Variants in FAM83H observed in about 807,000 individuals in gnomAD.
FAM83H encodes protein FAM83H.
In FAM83H, 24 loss-of-function variants were observed where a neutral mutation model predicts 30.2. The ratio of observed to expected loss-of-function variants is 0.79; its 90% CI spans 0.57 to 1.12. The LOEUF is 1.12. Ranked by LOEUF, FAM83H falls within the 50% of genes most tolerant of loss-of-function variation. The pLI is 0.00. For synonymous variants in FAM83H, 1,013 were observed against 821.7 expected, an observed-to-expected ratio of 1.23 and a Z score of -3.98; for missense variants, 2,038 against 1,773.9, an observed-to-expected ratio of 1.15 and a Z score of -2.67.
intron 1 of FAM83H, chr8:143,731,326 G>A (rs1364101992): frequency 1.0e-6 from 1 of 985,242 alleles, no homozygotes; most frequent in East Asian, 1.1e-4. Context: ...GCACCTCTCT[G>A]GCCTACCTCT....
chr8:143,727,897 C>A lies in FAM83H; in HGVS notation c.1564G>T (p.Gly522Cys). The A allele has an allele frequency of 6.9e-7, 1 of 1,444,742 alleles. No individual in the cohort carries two copies. The highest frequency in any genetic ancestry group is 9.0e-7 in the Non-Finnish European group (1 of 1,108,064). 89.5% of individuals were successfully genotyped at this position (1,444,742 alleles called of 1,614,324 possible). ...PSSASREVRH[G>C]SDPAFAPGPR... ...CCGGGCGCGAAGGCGGGGTCCGAGC[C>A]GTGGCGCACCTCGCGGGACGCGCTG... Residue 522 changes from glycine to cysteine, a missense_variant, in exon 5 of 5, where the codon GGC becomes TGC. Transcript: ENST00000388913.
At position 143,726,886 on chromosome 8, in the gene FAM83H, C is replaced by T; in HGVS notation, c.2575G>A (p.Ala859Thr). 6.2e-7 allele frequency: 1 copy of T among 1,612,814 alleles called. No homozygotes were observed. The highest frequency in any genetic ancestry group is 8.5e-7 in the Non-Finnish European group (1 of 1,179,884). Residue 859 changes from alanine (A) to threonine (T), a missense_variant, in exon 5 of 5, where the codon GCG becomes ACG. Transcript: ENST00000388913. ...DSPLPLEGSG[A>T]HQVLHNESKG... ...GACTCATTATGGAGCACCTGGTGCGCTCCGGACCCTTCCAGCGGCAGAGGG... is the reference window on the plus strand; with the variant it reads ...GACTCATTATGGAGCACCTGGTGCGTTCCGGACCCTTCCAGCGGCAGAGGG...
At position 143,726,187 on chromosome 8, in the gene FAM83H, C is replaced by A; in HGVS notation, c.3274G>T (p.Ala1092Ser). ...PDMSDKDKCS[A>S]IFRSDSLGTQ... ...CCCAAGCTGTCCGAGCGGAAGATGG[C>A]TGAACACTTGTCCTTGTCGGACATA... Residue 1092 changes from alanine (A) to serine (S), a missense_variant, in exon 5 of 5, where the codon GCC becomes TCC. Transcript: ENST00000388913. The A allele has an allele frequency of 1.2e-6, 2 of 1,612,380 alleles. No homozygotes were observed. The highest frequency in any genetic ancestry group is 1.7e-6 in the Non-Finnish European group (2 of 1,179,770).
intron 1 of FAM83H, chr8:143,731,984 G>A (rs1587461405): frequency 1.0e-6 from 1 of 985,458 alleles, no homozygotes; most frequent in South Asian, 4.7e-5. Context: ...GTTGGGGAGG[G>A]AGGCAGGACA....
At position 143,724,935 on chromosome 8, in the gene FAM83H, C is replaced by A. The variant is rs891638792; in HGVS notation, c.*986G>T. On this transcript the variant is annotated 3_prime_UTR_variant, in exon 5 of 5. Transcript: ENST00000388913. ...CGCCCCTTCGGGCTTCCCTGTGTCC[C>A]GTCCCCAGAGGCCTGCCCTGTCCAG... 6.6e-6 allele frequency: 1 copy of A among 152,370 alleles called. No individual in the cohort carries two copies. Among genetic ancestry groups the A allele is most frequent in the Non-Finnish European group, 1.5e-5 (1 of 68,198 alleles). The allele number at this position is 152,370 out of a possible 1,614,324, so 9.4% of individuals were successfully genotyped here.
Position 143,726,940 on chromosome 8 carries a change from G to A in FAM83H, c.2521C>T (p.His841Tyr), listed in dbSNP as rs1554622194. The A allele has an allele frequency of 1.9e-6, 3 of 1,611,508 alleles. No homozygotes were observed. The highest frequency in any genetic ancestry group is 2.2e-5 in the South Asian group (2 of 90,958). The change falls in exon 5 of 5, where the codon CAC becomes TAC. Residue 841 changes from histidine (H) to tyrosine (Y), a missense_variant. Coordinates refer to ENST00000388913, the MANE Select transcript of FAM83H (RefSeq NM_198488.5). ...TCCAGCCCTTGCGGGGACGTTGAGT[G>A]GCTCTGGGCAGAGAGGAAGCGGGAA... ...LPSRFLSAQS[H>Y]STSPQGLDSP...
rs1554623430 is a variant in FAM83H at position 143,728,476 on chromosome 8, G to A, written c.985C>T (p.Leu329=). Residue 329 remains leucine, a synonymous_variant, in exon 5 of 5, where the codon CTG becomes TTG. Coordinates refer to ENST00000388913, the MANE Select transcript of FAM83H (RefSeq NM_198488.5). Reference sequence around the variant, plus strand: ...CCCTCTTCCCGGGGTGGCGGGAACAGGAGGTGCGCTCGTTTAGGGAAGGAG... The same window carrying A: ...CCCTCTTCCCGGGGTGGCGGGAACAAGAGGTGCGCTCGTTTAGGGAAGGAG... The part of the protein sequence containing the change: ...PFSFPKRAHL[L]FPPPREEGLG... 2 of 1,553,304 alleles carry A rather than the reference G, an allele frequency of 1.3e-6. No homozygotes were observed. Among genetic ancestry groups the A allele is most frequent in the African/African-American group, 2.7e-5 (2 of 73,314 alleles).
chr8:143,727,549 T>C lies in FAM83H; in HGVS notation c.1912A>G (p.Thr638Ala). Reference protein sequence around the residue: ...SAFRVPAAFPTKVPVPGPGSG... With the variant: ...SAFRVPAAFPAKVPVPGPGSG... ...CCCGGGCCTGGCACCGGGACCTTGG[T>C]GGGGAAGGCTGCTGGGACGCGGAAG... Residue 638 changes from threonine to alanine, a missense_variant, in exon 5 of 5, where the codon ACC becomes GCC. Transcript: ENST00000388913. The C allele has an allele frequency of 6.3e-7, 1 of 1,586,314 alleles. No homozygotes were observed. Among genetic ancestry groups the C allele is most frequent in the Non-Finnish European group, 8.5e-7 (1 of 1,173,634 alleles).
chr8:143,726,489 T>C lies in FAM83H; in HGVS notation c.2972A>G (p.Gln991Arg), dbSNP rs1296040608. The change falls in exon 5 of 5, where the codon CAG becomes CGG. Residue 991 changes from glutamine (Q) to arginine (R), a missense_variant. By Grantham distance (43) the Gln-to-Arg change is conservative. Transcript: ENST00000388913. ...CGGGCTCTCGGGTTGGCCGTTCTCC[T>C]GCGGCACTGGGAAGCCACCCTCATC... ...MEDEGGFPVP[Q>R]ENGQPESPRR... The C allele has an allele frequency of 6.2e-7, 1 of 1,605,366 alleles. No individual in the cohort carries two copies.
Position 143,726,816 on chromosome 8 carries a change from G to A in FAM83H, c.2645C>T (p.Pro882Leu), listed in dbSNP as rs199730760. 3.1e-6 allele frequency: 5 copies of A among 1,612,872 alleles called. No homozygotes were observed. The highest frequency in any genetic ancestry group is 3.3e-5 in the Admixed American group (2 of 59,996). ...TCTTCGAGTGGAAAACCCAGGCGTG[G>A]GGCTCCCCTTCCGCTCAGGGTAAGC... Reference protein sequence around the residue: ...TSAYPERKGSPTPGFSTRRGS... With the variant: ...TSAYPERKGSLTPGFSTRRGS... The change falls in exon 5 of 5, where the codon CCC becomes CTC. Residue 882 changes from proline to leucine, a missense_variant. Transcript: ENST00000388913.
intron 3 of FAM83H, 21 bp from the exon 4 acceptor site, chr8:143,729,112 G>C (rs1406032424): frequency 6.2e-7 from 1 of 1,613,500 alleles, no homozygotes; most frequent in Non-Finnish European, 8.5e-7. Context: ...AGGGGAGTCA[G>C]ATCTCTCCCA....
rs1263534934 is a variant in FAM83H at position 143,728,166 on chromosome 8, T to C, written c.1295A>G (p.Gln432Arg). The change falls in exon 5 of 5, where the codon CAG becomes CGG. Residue 432 changes from glutamine (Q) to arginine (R), a missense_variant. Physicochemically the swap from Gln to Arg is conservative, Grantham distance 43. Coordinates refer to ENST00000388913, the MANE Select transcript of FAM83H (RefSeq NM_198488.5). ...GTCGTCGCCGTGGCTGAGGAACGTCTGCCGCGACACCTGCCGCGCGGCCGC... is the reference window on the plus strand; with the variant it reads ...GTCGTCGCCGTGGCTGAGGAACGTCCGCCGCGACACCTGCCGCGCGGCCGC... ...NFAAARQVSR[Q>R]TFLSHGDDFR... is the part of the protein sequence containing the mutation. The C allele has an allele frequency of 3.1e-6, 5 of 1,607,614 alleles. No homozygotes were observed. The African/African-American group carries it at 6.7e-5, about 21-fold the overall frequency.
At chr8:143,732,667 C>A (rs1818569968) in intron 1 of FAM83H, 1 of 985,436 alleles carries the variant, frequency 1.0e-6, no homozygotes. Context: ...AGACCTCCAA[C>A]TGCTTCATTC....
Position 143,727,817 on chromosome 8 carries a change from G to C in FAM83H, c.1644C>G (p.Phe548Leu). ...GAPRPNLTQR[F>L]PCQAAARPGP... ...CCGGCCTCGCCGCGGCCTGGCATGGGAAGCGCTGGGTCAGGTTGGGGCGCG... is the reference window on the plus strand; with the variant it reads ...CCGGCCTCGCCGCGGCCTGGCATGGCAAGCGCTGGGTCAGGTTGGGGCGCG... The change falls in exon 5 of 5, where the codon TTC (phenylalanine) becomes TTG (leucine). Residue 548 changes from phenylalanine to leucine, a missense_variant. By Grantham distance (22) the Phe-to-Leu change is conservative (BLOSUM62 0). Transcript: ENST00000388913. 7.5e-7 allele frequency: 1 copy of C among 1,333,694 alleles called. No individual in the cohort carries two copies. The highest frequency in any genetic ancestry group is 9.5e-7 in the Non-Finnish European group (1 of 1,051,266). The allele number at this position is 1,333,694 out of a possible 1,614,324, so 82.6% of individuals were successfully genotyped here.
In FAM83H at chr8:143,728,304, G is replaced by T. The variant is rs782424683; in HGVS notation, c.1157C>A (p.Pro386Gln). Residue 386 changes from proline (P) to glutamine (Q), a missense_variant, in exon 5 of 5, where the codon CCG (proline) becomes CAG (glutamine). Coordinates refer to ENST00000388913, the MANE Select transcript of FAM83H (RefSeq NM_198488.5). ...CCGCGCGCCCGCGAGCTCCCCAGCC[G>T]GCCCGGCCTCGGCCTCCAGGCGCCG... ...LSRRLEAEAG[P>Q]AGELAGARGF... is the part of the protein sequence containing the mutation. 1.3e-5 allele frequency: 19 copies of T among 1,462,096 alleles called. No individual in the cohort carries two copies. The highest frequency in any genetic ancestry group is 1.7e-5 in the Non-Finnish European group (19 of 1,112,598). The allele number at this position is 1,462,096 out of a possible 1,614,324, so 90.6% of individuals were successfully genotyped here.
rs782466203 is a variant in FAM83H, at chr8:143,727,106, G to A, written c.2355C>T (p.Ser785=). 6.5e-7 allele frequency: 1 copy of A among 1,536,800 alleles called. No homozygotes were observed. Among genetic ancestry groups the A allele is most frequent in the South Asian group, 1.2e-5 (1 of 84,278 alleles). ...APGAVGGERR[S]LESCLLDLRD... The stretch of plus-strand genomic sequence containing the variant: ...GCAGGTCCAGCAGGCAGCTCTCGAG[G>A]CTGCGGCGCTCGCCCCCCACGGCAC... The change falls in exon 5 of 5, where the codon AGC becomes AGT. Residue 785 remains serine, a synonymous_variant. Coordinates refer to ENST00000388913, the MANE Select transcript of FAM83H (RefSeq NM_198488.5).
intron 1 of FAM83H, chr8:143,732,593 G>C: frequency 1.0e-6 from 1 of 985,402 alleles, no homozygotes; most frequent in Non-Finnish European, 1.2e-6. Context: ...CATCCAGACA[G>C]TGGAAGCCCC....
chr8:143,726,520 T>G lies in FAM83H; in HGVS notation c.2941A>C (p.Met981Leu), dbSNP rs1554621852. The change falls in exon 5 of 5, where the codon ATG (methionine) becomes CTG (leucine). Residue 981 changes from methionine to leucine, a missense_variant. Physicochemically the swap from Met to Leu is conservative, Grantham distance 15. Coordinates refer to ENST00000388913, the MANE Select transcript of FAM83H (RefSeq NM_198488.5). Reference protein sequence around the residue: ...QLLSPKGERRMEDEGGFPVPQ... With the variant: ...QLLSPKGERRLEDEGGFPVPQ... ...ACTGGGAAGCCACCCTCATCCTCCA[T>G]GCGCCGCTCGCCCTTGGGGCTCAGC... The G allele has an allele frequency of 1.2e-6, 2 of 1,605,996 alleles. No individual in the cohort carries two copies. Among genetic ancestry groups the G allele is most frequent in the Admixed American group, 1.7e-5 (1 of 59,980 alleles).
Position 143,725,685 on chromosome 8 carries a change from A to C in FAM83H, c.*236T>G. ...AGAGATGAAGGTGCTGAGGGGAGAA[A>C]GGCACTGGTGGCGAGGGGTGCAGCC... is the stretch of plus-strand genomic sequence containing the variant. On this transcript the variant is annotated 3_prime_UTR_variant, in exon 5 of 5. Transcript: ENST00000388913. 1.6e-6 allele frequency: 1 copy of C among 627,842 alleles called. No individual in the cohort carries two copies. Among genetic ancestry groups the C allele is most frequent in the Non-Finnish European group, 2.8e-6 (1 of 363,070 alleles). 38.9% of individuals were successfully genotyped at this position (627,842 alleles called of 1,614,324 possible).
Sources: allele counts gnomAD v4.1 joint callset, GRCh38; gene constraint gnomAD v4.1.1; transcripts MANE v1.5; gene names NCBI Gene and HGNC (gene_info 2026-07-23, HGNC 2026-07-21).